NUDT3: variants seen among roughly 807,000 people sequenced by gnomAD.
NUDT3 encodes nudix hydrolase 3.
A neutral mutation model predicts 23.6 loss-of-function variants in NUDT3; 9 were observed. The observed-to-expected ratio is 0.38, with a 90% CI of 0.23 to 0.66. The LOEUF (loss-of-function observed/expected upper bound fraction) is 0.66. Ranked by LOEUF, NUDT3 falls within the 30% of genes least tolerant of loss-of-function variation. The probability of loss-of-function intolerance (pLI) is 0.52; values close to 1 mark genes in which losing one functional copy is unlikely to be tolerated. For synonymous variants in NUDT3, 86 were observed against 82.6 expected, an observed-to-expected ratio of 1.04 and a Z score of -0.22; for missense variants, 172 against 218.5, an observed-to-expected ratio of 0.79 and a Z score of 1.34.
intron 1 of NUDT3, among the ~76,000 whole-genome samples, chr6:34,360,427 A>G (rs1295796295): frequency 1.3e-5 from 2 of 152,054 alleles, no homozygotes; most frequent in Non-Finnish European, 2.9e-5. Flanking sequence ...TACAAAAATT[A>G]GCCAGGCATG....
At position 34,288,466 on chromosome 6, in the gene NUDT3, G is replaced by A; in HGVS notation, c.*287C>T. On this transcript the variant is annotated 3_prime_UTR_variant, in exon 5 of 5. Transcript: ENST00000607016. ...TCAGAATCCAAGGCAGGGGAAGGCT[G>A]TTGGCCTCTCTTCAGAGGACTGCAG... 1 of 286,086 alleles carries A rather than the reference G, an allele frequency of 3.5e-6. No homozygotes were observed. The highest frequency in any genetic ancestry group is 6.4e-6 in the Non-Finnish European group (1 of 155,282). The allele number at this position is 286,086 out of a possible 1,614,324, so 17.7% of individuals were successfully genotyped here. A position where few individuals can be genotyped will look rare whatever the true frequency, so the allele number is the denominator to read the frequency against.
At chr6:34,364,840 T>A (rs990579511) in intron 1 of NUDT3, among the ~76,000 whole-genome samples, 44 of 149,888 alleles carry the variant, frequency 2.9e-4, no homozygotes, top group African/African-American at 1.1e-3. Flanking sequence ...GAGACCACAG[T>A]GAAACCCCAT....
chr6:34,291,808 C>T (rs1188433511), intron 4 of NUDT3, among the ~76,000 whole-genome samples: 1 of 152,168 alleles, frequency 6.6e-6, no homozygotes, highest in South Asian at 2.1e-4. Context: ...TGCAGTTTAA[C>T]AGGGTGGTGT....
intron 1 of NUDT3, among the ~76,000 whole-genome samples, chr6:34,368,240 T>C (rs1259806724): frequency 6.6e-6 from 1 of 152,168 alleles, no homozygotes; most frequent in African/African-American, 2.4e-5. Flanking sequence ...GAATATTGTT[T>C]TCAGGTGTTT....
chr6:34,375,802 T>A (rs756540046), intron 1 of NUDT3, among the ~76,000 whole-genome samples: 7 of 152,190 alleles, frequency 4.6e-5, no homozygotes, highest in Non-Finnish European at 8.8e-5. Context: ...TCTAACAGTT[T>A]TATAAAGTCA....
rs182313461 is a variant in NUDT3 at position 34,364,387 on chromosome 6, C to T, written c.100-22415G>A. 1.8e-4 allele frequency among the ~76,000 whole-genome samples: 28 copies of T among 152,204 alleles called. 1 individual carries two copies. The East Asian group carries it at 2.1e-3, about 12-fold the overall frequency. On this transcript the variant is annotated intron_variant, in intron 1 of 4. Transcript: ENST00000607016. ...AAAACTCCCTTATTTCCAATATATCCGACAGCAGCTCAACTTGTTGTTTGC... is the reference window on the plus strand; with the variant it reads ...AAAACTCCCTTATTTCCAATATATCTGACAGCAGCTCAACTTGTTGTTTGC...
intron 2 of NUDT3, among the ~76,000 whole-genome samples, chr6:34,334,877 G>C (rs974920842): frequency 8.7e-5 from 13 of 149,048 alleles, no homozygotes; most frequent in African/African-American, 3.2e-4. Flanking sequence ...AGGTTACAGT[G>C]AACTATGACC....
intron 2 of NUDT3, among the ~76,000 whole-genome samples, chr6:34,313,618 C>T (rs1373922657): frequency 6.6e-6 from 1 of 151,656 alleles, no homozygotes; most frequent in African/African-American, 2.4e-5. Flanking sequence ...TATATGGGAA[C>T]TCTGTGTGGT....
intron 1 of NUDT3, among the ~76,000 whole-genome samples, chr6:34,391,689 T>G (rs867747366): frequency 6.6e-6 from 1 of 152,186 alleles, no homozygotes; most frequent in African/African-American, 2.4e-5. Context: ...CCCAGCGCAC[T>G]GTAAAATAAA....
intron 2 of NUDT3, among the ~76,000 whole-genome samples, chr6:34,334,155 C>T (rs1302529848): frequency 1.3e-5 from 2 of 152,194 alleles, no homozygotes; most frequent in East Asian, 3.8e-4. Context: ...CTTGGCTGGG[C>T]AGTTGCTGTG....
chr6:34,306,352 A>G (rs867934994), intron 2 of NUDT3, among the ~76,000 whole-genome samples: 7 of 152,234 alleles, frequency 4.6e-5, no homozygotes, highest in African/African-American at 1.7e-4. Context: ...AAAGCTGTTA[A>G]GTGGCAACAA....
rs1435467997 is a variant in NUDT3 at position 34,287,828 on chromosome 6, G to C, written c.*925C>G. On this transcript the variant is annotated 3_prime_UTR_variant, in exon 5 of 5. Transcript: ENST00000607016. Reference sequence around the variant, plus strand: ...ATGGACCTGATGCTCCAGTTTTTTAGATAAGTAATCCCAAGAATCCAGTTC... The same window carrying C: ...ATGGACCTGATGCTCCAGTTTTTTACATAAGTAATCCCAAGAATCCAGTTC... 1.3e-5 allele frequency: 2 copies of C among 152,132 alleles called. No individual in the cohort carries two copies. The highest frequency in any genetic ancestry group is 4.8e-5 in the African/African-American group (2 of 41,432). The allele number at this position is 152,132 out of a possible 1,614,324, so 9.4% of individuals were successfully genotyped here. A position where few individuals can be genotyped will look rare whatever the true frequency, so the allele number is the denominator to read the frequency against.
intron 1 of NUDT3, among the ~76,000 whole-genome samples, chr6:34,350,764 T>A (rs927516297): frequency 6.6e-6 from 1 of 150,666 alleles, no homozygotes; most frequent in Non-Finnish European, 1.5e-5. Flanking sequence ...ACATAAACAG[T>A]CAATTTACAA....
At chr6:34,314,090 T>C (rs539553168) in intron 2 of NUDT3, among the ~76,000 whole-genome samples, 2 of 144,938 alleles carry the variant, frequency 1.4e-5, no homozygotes, top group Non-Finnish European at 3.0e-5. Context: ...AGGGTGAAAC[T>C]CCGTCTCAAA....
chr6:34,377,402 A>T (rs1764941679), intron 1 of NUDT3, among the ~76,000 whole-genome samples: 1 of 152,218 alleles, frequency 6.6e-6, no homozygotes, highest in Admixed American at 6.5e-5. Context: ...TTTAAGAAGC[A>T]TCGTACTGTT....
chr6:34,279,789 AG>A lies in NUDT3; in HGVS notation c.*8963del, dbSNP rs1763261275. On this transcript the variant is annotated 3_prime_UTR_variant, in exon 5 of 5. Coordinates refer to ENST00000607016, the MANE Select transcript of NUDT3 (RefSeq NM_006703.4). ...GAAGGAAACTGATTAACACATAGAA[AG>A]GAACGGCAGGCTCACAGGTTTAAGC... 6.6e-6 allele frequency: 1 copy of A among 152,214 alleles called. No individual in the cohort carries two copies. Among genetic ancestry groups the A allele is most frequent in the South Asian group, 2.1e-4 (1 of 4,830 alleles). The allele number at this position is 152,214 out of a possible 1,614,324, so 9.4% of individuals were successfully genotyped here.
At chr6:34,348,201 G>A (rs1250947757) in intron 1 of NUDT3, among the ~76,000 whole-genome samples, 6 of 151,684 alleles carry the variant, frequency 4.0e-5, no homozygotes, top group African/African-American at 4.8e-5. Context: ...CAGGAGAATC[G>A]CTAAAGCCCA....
At chr6:34,391,754 C>A (rs1439901160) in intron 1 of NUDT3, among the ~76,000 whole-genome samples, 1 of 151,486 alleles carries the variant, frequency 6.6e-6, no homozygotes. Flanking sequence ...CACCCCACCC[C>A]CACCCCTCAG....
At chr6:34,354,734 A>C (rs985654727) in intron 1 of NUDT3, among the ~76,000 whole-genome samples, 2 of 122,586 alleles carry the variant, frequency 1.6e-5, no homozygotes, top group Admixed American at 1.6e-4. Flanking sequence ...GGGGGGAAAA[A>C]GTATATATAT....
Sources: allele counts gnomAD v4.1 joint callset (sites outside exome capture counted in the v4.1 genomes callset), GRCh38; gene constraint gnomAD v4.1.1; transcripts MANE v1.5; gene names NCBI Gene and HGNC (gene_info 2026-07-23, HGNC 2026-07-21).